PEMT: variants seen among roughly 807,000 people sequenced by gnomAD.
PEMT encodes phospholipid methyltransferase.
PEMT carries 23 observed loss-of-function variants against 27.4 expected under a neutral mutation model. The observed-to-expected ratio is 0.84, with a 90% CI of 0.60 to 1.19. The LOEUF is 1.19. Among genes scored for constraint, PEMT ranks in the 50% most tolerant of loss-of-function variants. The pLI, the probability that PEMT is intolerant of heterozygous loss-of-function variation, is 0.00. For missense variants in PEMT, 307 were observed against 310.1 expected (o/e 0.99, Z 0.07); for synonymous variants, 137 against 139.1 (o/e 0.98, Z 0.11).
intron 5 of PEMT, chr17:17,508,852 G>T: frequency 2.4e-6 from 1 of 418,682 alleles, no homozygotes; most frequent in Non-Finnish European, 4.9e-6. Flanking sequence ...GGCTATTGGG[G>T]CACAGGGAGT....
chr17:17,553,652 C>T (rs1177637623), intron 2 of PEMT, among the ~76,000 whole-genome samples: 1 of 152,216 alleles, frequency 6.6e-6, no homozygotes, highest in African/African-American at 2.4e-5. Context: ...CTGCTCAGTT[C>T]AGCTCCCACG....
At chr17:17,543,668 T>C (rs1909048873) in intron 2 of PEMT, among the ~76,000 whole-genome samples, 1 of 152,162 alleles carries the variant, frequency 6.6e-6, no homozygotes, top group African/African-American at 2.4e-5. Flanking sequence ...GTTCAAGTGA[T>C]TCTCCTGCCT....
intron 4 of PEMT, among the ~76,000 whole-genome samples, 190 bp from the exon 5 acceptor site, chr17:17,509,735 C>A (rs578048939): frequency 8.0e-4 from 122 of 152,266 alleles, no homozygotes; most frequent in African/African-American, 2.9e-3. Context: ...CAGCAGAGGG[C>A]GTGGGGCCTA....
chr17:17,527,669 T>G (rs1316706974), intron 2 of PEMT, among the ~76,000 whole-genome samples: 2 of 152,166 alleles, frequency 1.3e-5, no homozygotes, highest in African/African-American at 4.8e-5. Flanking sequence ...GGTGCTGCTG[T>G]TTGTTTTGTT....
chr17:17,548,457 G>A (rs1200982566), intron 2 of PEMT, among the ~76,000 whole-genome samples: 2 of 152,232 alleles, frequency 1.3e-5, no homozygotes, highest in African/African-American at 4.8e-5. Context: ...TGTCACCTGG[G>A]CCCTTGAGGG....
At chr17:17,511,156 G>GC (rs1479918714) in intron 4 of PEMT, among the ~76,000 whole-genome samples, 1 of 152,100 alleles carries the variant, frequency 6.6e-6, no homozygotes, top group Non-Finnish European at 1.5e-5. Context: ...CAGTCCAGCT[G>GC]CCCCCCACCT....
intron 4 of PEMT, among the ~76,000 whole-genome samples, chr17:17,510,683 C>T (rs1385284979): frequency 2.6e-5 from 4 of 152,230 alleles, no homozygotes; most frequent in African/African-American, 9.6e-5. Context: ...GTTTCTAGGC[C>T]ATGTCTGCTG....
chr17:17,572,362 C>T (rs980938540), intron 2 of PEMT, among the ~76,000 whole-genome samples: 3 of 152,178 alleles, frequency 2.0e-5, no homozygotes, highest in Admixed American at 6.5e-5. Context: ...CCCCATGGCC[C>T]GCAAGGCCTG....
intron 2 of PEMT, among the ~76,000 whole-genome samples, chr17:17,562,811 G>GA (rs1313810454): frequency 6.6e-6 from 1 of 150,584 alleles, no homozygotes; most frequent in Non-Finnish European, 1.5e-5. Context: ...TCTGTCTCAA[G>GA]AAAAAAAAAG....
At chr17:17,542,594 TTG>T (rs1050383021) in intron 2 of PEMT, among the ~76,000 whole-genome samples, 3 of 152,198 alleles carry the variant, frequency 2.0e-5, no homozygotes, top group African/African-American at 7.2e-5. Flanking sequence ...TTTGGTGGGA[TTG>T]TCTTTCATGG....
At chr17:17,591,777 G>A (rs959340522), upstream of PEMT, 179 of 1,430,936 alleles carry the variant, frequency 1.3e-4, no homozygotes, top group Non-Finnish European at 1.4e-4. Flanking sequence ...GTAGTTCCCC[G>A]TCACCGCGAA....
chr17:17,575,495 C>G (rs1459645854), intron 2 of PEMT, among the ~76,000 whole-genome samples: 1 of 152,202 alleles, frequency 6.6e-6, no homozygotes, highest in Non-Finnish European at 1.5e-5. Flanking sequence ...TGGGTGTGTG[C>G]AAAGGTGAAA....
At chr17:17,545,439 C>A (rs941377711) in intron 2 of PEMT, among the ~76,000 whole-genome samples, 4 of 152,190 alleles carry the variant, frequency 2.6e-5, no homozygotes, top group African/African-American at 9.7e-5. Context: ...TCAGGCCATG[C>A]TGAAGATCCT....
chr17:17,506,038 G>C (rs2142492786), intron 6 of PEMT, among the ~76,000 whole-genome samples, 189 bp downstream of exon 6: 1 of 152,256 alleles, frequency 6.6e-6, no homozygotes, highest in East Asian at 1.9e-4. Context: ...GGGGAGAGGG[G>C]CCGGCTGCCT....
chr17:17,516,527 A>G (rs1906849777), intron 3 of PEMT, among the ~76,000 whole-genome samples: 1 of 152,184 alleles, frequency 6.6e-6, no homozygotes, highest in Non-Finnish European at 1.5e-5. Context: ...ACCTGTAAAC[A>G]GTGGGATAGG....
intron 3 of PEMT, among the ~76,000 whole-genome samples, chr17:17,520,130 C>T (rs1486696043): frequency 2.6e-5 from 4 of 152,198 alleles, no homozygotes; most frequent in African/African-American, 4.8e-5. Flanking sequence ...AGCGTTCAGT[C>T]GGCCAGCACC....
intron 5 of PEMT, chr17:17,506,881 C>A (rs1241725703): frequency 2.1e-6 from 1 of 480,904 alleles, no homozygotes; most frequent in Non-Finnish European, 3.7e-6. Flanking sequence ...GCCCTCAACA[C>A]CTAGCCCAGC....
chr17:17,516,490 G>A (rs139662401), intron 3 of PEMT, among the ~76,000 whole-genome samples: 1 of 152,282 alleles, frequency 6.6e-6, no homozygotes, highest in East Asian at 1.9e-4. Context: ...AGCAGGAGGG[G>A]CAGGATGGCT....
Position 17,523,014 on chromosome 17 carries a change from A to G in PEMT, c.205-619T>C, listed in dbSNP as rs977085874. 6.6e-6 allele frequency among the ~76,000 whole-genome samples: 1 copy of G among 152,184 alleles called. No homozygotes were observed. Among genetic ancestry groups the G allele is most frequent in the Non-Finnish European group, 1.5e-5 (1 of 68,024 alleles). ...TTTTACTTTGTTTTTTTTCAAACTA[A>G]TCACATCTGGAATCTCAACATCTGG... is the stretch of plus-strand genomic sequence containing the variant. On this transcript the variant is annotated intron_variant, in intron 2 of 6. Coordinates refer to ENST00000255389, the MANE Select transcript of PEMT (RefSeq NM_148172.3). The surrounding 1 kb of genome is among the most constrained non-coding windows in gnomAD (Gnocchi z 4.8).
Sources: gnomAD v4.1 joint callset for allele counts (sites outside exome capture counted in the v4.1 genomes callset) on GRCh38, gnomAD v4.1.1 for gene constraint, Gnocchi (gnomAD v3.1) non-coding constraint, MANE v1.5 for transcripts, NCBI Gene and HGNC (gene_info 2026-07-23, HGNC 2026-07-21) for gene names.